The following MFHAS1 variants were observed in gnomAD, a reference collection of about 807,000 sequenced individuals.
The protein encoded by MFHAS1 is multifunctional ROCO family signaling regulator 1.
Under a neutral mutation model 70.4 loss-of-function variants are expected in MFHAS1, and 50 were observed. That is an observed-to-expected ratio of 0.71 (90% CI 0.57 to 0.90). The LOEUF is 0.90. Ranked by LOEUF, MFHAS1 falls within the 40% of genes least tolerant of loss-of-function variation. The probability of loss-of-function intolerance (pLI) is 0.00; values close to 1 mark genes in which losing one functional copy is unlikely to be tolerated. For synonymous variants in MFHAS1, 952 were observed against 620.0 expected (o/e 1.54, Z -7.96); for missense variants, 1,795 against 1,347.6 (o/e 1.33, Z -5.20).
At chr8:8,865,268 C>T (rs1226313285) in intron 1 of MFHAS1, among the ~76,000 whole-genome samples, 1 of 110,368 alleles carries the variant, frequency 9.1e-6, no homozygotes, top group African/African-American at 3.6e-5. Flanking sequence ...CAGAGTGAGA[C>T]TCCATCTCAA....
chr8:8,837,614 G>C (rs1350514940), intron 1 of MFHAS1, among the ~76,000 whole-genome samples: 2 of 151,842 alleles, frequency 1.3e-5, no homozygotes, highest in Non-Finnish European at 2.9e-5. Flanking sequence ...CTGCACTCCA[G>C]CCTGGGCGAC....
intron 1 of MFHAS1, among the ~76,000 whole-genome samples, chr8:8,872,970 T>G (rs1344911322): frequency 6.6e-6 from 1 of 152,064 alleles, no homozygotes; most frequent in Non-Finnish European, 1.5e-5. Flanking sequence ...AACCGGGCAG[T>G]GCCACTCGTG....
intron 2 of MFHAS1, among the ~76,000 whole-genome samples, chr8:8,796,871 C>G (rs902100367): frequency 6.4e-4 from 96 of 150,986 alleles, no homozygotes; most frequent in African/African-American, 2.3e-3. Context: ...TGGTGGGCGC[C>G]TGTAGTCCCA....
At chr8:8,848,041 A>G (rs1585049641) in intron 1 of MFHAS1, among the ~76,000 whole-genome samples, 1 of 152,220 alleles carries the variant, frequency 6.6e-6, no homozygotes, top group East Asian at 1.9e-4. Flanking sequence ...GTGAGAAAAA[A>G]CAAAGCACAG....
chr8:8,876,710 A>G (rs577516053), intron 1 of MFHAS1, among the ~76,000 whole-genome samples: 2 of 152,104 alleles, frequency 1.3e-5, no homozygotes, highest in Admixed American at 1.3e-4. Flanking sequence ...AAGTACTTTT[A>G]AAAGAGCATA....
intron 1 of MFHAS1, among the ~76,000 whole-genome samples, chr8:8,856,907 C>G (rs1012316235): frequency 1.7e-4 from 22 of 128,774 alleles, no homozygotes; most frequent in African/African-American, 5.9e-4. Flanking sequence ...TTCTCTAGAT[C>G]AGAAAGAGAA....
intron 1 of MFHAS1, among the ~76,000 whole-genome samples, chr8:8,848,895 C>T (rs547387160): frequency 6.6e-6 from 1 of 152,156 alleles, no homozygotes; most frequent in South Asian, 2.1e-4. Flanking sequence ...AATCAAGTTA[C>T]CTTTTTTCTT....
In MFHAS1 at chr8:8,890,572, G is replaced by A. The variant is rs146731825; in HGVS notation, c.2487C>T (p.Leu829=). ...LLLELLEKMG[L]CYCLNKPKGK... ...CCTTGGGTTTATTGAGGCAGTAACA[G>A]AGTCCCATCTTCTCCAGCAGCTCCA... The change falls in exon 1 of 3, where the codon CTC becomes CTT. Residue 829 remains leucine, a synonymous_variant. Coordinates refer to ENST00000276282, the MANE Select transcript of MFHAS1 (RefSeq NM_004225.3). 1.2e-6 allele frequency: 2 copies of A among 1,613,558 alleles called. No individual in the cohort carries two copies. Among genetic ancestry groups the A allele is most frequent in the Non-Finnish European group, 1.7e-6 (2 of 1,180,060 alleles).
At chr8:8,830,240 G>A (rs1351274873) in intron 1 of MFHAS1, among the ~76,000 whole-genome samples, 1 of 152,140 alleles carries the variant, frequency 6.6e-6, no homozygotes, top group African/African-American at 2.4e-5. Flanking sequence ...AAAGGCTCAA[G>A]GAAGAAATGA....
At chr8:8,811,393 A>C (rs1806542232) in intron 1 of MFHAS1, among the ~76,000 whole-genome samples, 1 of 151,820 alleles carries the variant, frequency 6.6e-6, no homozygotes, top group Admixed American at 6.6e-5. Flanking sequence ...CTGCAGTCTC[A>C]GCATCCCAAG....
chr8:8,865,603 A>C (rs1808827562), intron 1 of MFHAS1, among the ~76,000 whole-genome samples: 1 of 152,198 alleles, frequency 6.6e-6, no homozygotes. Flanking sequence ...AGAAAACTTC[A>C]TTTTAGAAAA....
intron 1 of MFHAS1, among the ~76,000 whole-genome samples, chr8:8,817,553 G>A (rs1407392657): frequency 2.0e-5 from 3 of 152,226 alleles, no homozygotes; most frequent in Admixed American, 6.5e-5. Context: ...AGCCTCGAGT[G>A]CTGCCGCAGT....
At chr8:8,822,360 C>T (rs537364561) in intron 1 of MFHAS1, among the ~76,000 whole-genome samples, 4 of 152,206 alleles carry the variant, frequency 2.6e-5, no homozygotes, top group South Asian at 2.1e-4. Context: ...GGCACTGAGA[C>T]GTGACCATGC....
In MFHAS1 at chr8:8,892,109, C is replaced by T. The variant is rs768093869; in HGVS notation, c.950G>A (p.Gly317Asp). The stretch of plus-strand genomic sequence containing the variant: ...CCACAAGGTGAGAAGCCGGCCCAGG[C>T]CCGAGATAAGGGATGGCACCGAGGT... ...QLTSVPSLISGLGRLLTLWLD... is the reference protein window; with the variant it reads ...QLTSVPSLISDLGRLLTLWLD... Residue 317 changes from glycine (G) to aspartate (D), a missense_variant, in exon 1 of 3, where the codon GGC (glycine) becomes GAC (aspartate). Coordinates refer to ENST00000276282, the MANE Select transcript of MFHAS1 (RefSeq NM_004225.3). The surrounding 1 kb of genome is among the most constrained non-coding windows in gnomAD (Gnocchi z 4.7). 1.9e-6 allele frequency: 3 copies of T among 1,613,054 alleles called. No individual in the cohort carries two copies. The highest frequency in any genetic ancestry group is 1.6e-4 in the Middle Eastern group (1 of 6,062).
intron 1 of MFHAS1, among the ~76,000 whole-genome samples, chr8:8,867,056 G>C (rs76125915): frequency 1.4e-4 from 21 of 152,158 alleles, no homozygotes; most frequent in Non-Finnish European, 1.9e-4. Flanking sequence ...TCTATTTTTA[G>C]CTTACAGTTC....
At chr8:8,876,607 T>C (rs1480197975) in intron 1 of MFHAS1, among the ~76,000 whole-genome samples, 1 of 151,798 alleles carries the variant, frequency 6.6e-6, no homozygotes, top group African/African-American at 2.4e-5. Flanking sequence ...TAGTGGTGTA[T>C]GCATCGTGAT....
chr8:8,828,614 G>A (rs954631583), intron 1 of MFHAS1, among the ~76,000 whole-genome samples: 1 of 152,196 alleles, frequency 6.6e-6, no homozygotes, highest in Non-Finnish European at 1.5e-5. Flanking sequence ...CTCCACGGAG[G>A]AAAAACGCAA....
intron 1 of MFHAS1, among the ~76,000 whole-genome samples, chr8:8,832,442 C>T (rs1807436156): frequency 1.3e-5 from 2 of 151,300 alleles, no homozygotes; most frequent in African/African-American, 4.9e-5. Flanking sequence ...CACACACACA[C>T]ACACACACAC....
intron 1 of MFHAS1, among the ~76,000 whole-genome samples, chr8:8,803,027 T>C (rs566718169): frequency 2.0e-5 from 3 of 152,264 alleles, no homozygotes; most frequent in East Asian, 3.9e-4. Context: ...ACAGGTATAT[T>C]CTACCACTAA....
Sources: gnomAD v4.1 joint callset for allele counts (sites outside exome capture counted in the v4.1 genomes callset) on GRCh38, gnomAD v4.1.1 for gene constraint, Gnocchi (gnomAD v3.1) non-coding constraint, MANE v1.5 for transcripts, NCBI Gene and HGNC (gene_info 2026-07-23, HGNC 2026-07-21) for gene names.